The following TMCO5A variants were observed in gnomAD, a reference collection of about 807,000 sequenced individuals.
TMCO5A encodes transmembrane and coiled-coil domain-containing protein 5A.
In TMCO5A, 34 loss-of-function variants were observed where a neutral mutation model predicts 42.3. The observed-to-expected ratio is 0.80, with a 90% CI of 0.61 to 1.07. The LOEUF (loss-of-function observed/expected upper bound fraction) is 1.07. Among genes scored for constraint, TMCO5A ranks in the 50% least tolerant of loss-of-function variants. The pLI is 0.00. For missense variants in TMCO5A, 357 were observed against 327.9 expected (o/e 1.09, Z -0.69); for synonymous variants, 131 against 115.6 (o/e 1.13, Z -0.86).
chr15:37,946,337 G>A (rs560841768), intron 10 of TMCO5A, among the ~76,000 whole-genome samples: 2 of 152,176 alleles, frequency 1.3e-5, no homozygotes, highest in Non-Finnish European at 2.9e-5. Context: ...GGTTGTCTTG[G>A]CTATTAGGGC....
the TMCO5A span, among the ~76,000 whole-genome samples, chr15:37,983,728 T>TG: frequency 1.5e-5 from 2 of 136,916 alleles, no homozygotes; most frequent in African/African-American, 3.6e-5. Context: ...TGTTTTTTTT[T>TG]TTGTTTTTTT....
the TMCO5A span, among the ~76,000 whole-genome samples, chr15:38,025,169 G>A: frequency 4.2e-4 from 15 of 35,932 alleles, no homozygotes; most frequent in Admixed American, 1.2e-3. Context: ...TTGGGTGTGT[G>A]TGTGTGTGTG....
chr15:37,942,066 C>T, intron 8 of TMCO5A, 125 bp from the exon 9 acceptor site: 1 of 877,506 alleles, frequency 1.1e-6, no homozygotes, highest in Non-Finnish European at 1.8e-6. Flanking sequence ...TTTATGAAAG[C>T]AGAGAAAGTG....
At chr15:38,028,781 A>G in the TMCO5A span, among the ~76,000 whole-genome samples, 2 of 152,170 alleles carry the variant, frequency 1.3e-5, no homozygotes, top group Non-Finnish European at 2.9e-5. Flanking sequence ...AGGACAGGGT[A>G]GCAAGCAGCT....
At position 37,951,408 on chromosome 15, in the gene TMCO5A, A is replaced by C; in HGVS notation, c.*174A>C. On this transcript the variant is annotated 3_prime_UTR_variant, in exon 12 of 12. Coordinates refer to ENST00000319669, the MANE Select transcript of TMCO5A (RefSeq NM_152453.4). ...TCCAGGATTAACCTTGACCAGTAAAAAGCTCTGTAATAGATTTATGTGGCT... is the reference window on the plus strand; with the variant it reads ...TCCAGGATTAACCTTGACCAGTAAACAGCTCTGTAATAGATTTATGTGGCT... 1.6e-6 allele frequency: 1 copy of C among 611,512 alleles called. No homozygotes were observed. Among genetic ancestry groups the C allele is most frequent in the Non-Finnish European group, 2.8e-6 (1 of 352,704 alleles). The allele number at this position is 611,512 out of a possible 1,614,324, so 37.9% of individuals were successfully genotyped here. A position where few individuals can be genotyped will look rare whatever the true frequency, so the allele number is the denominator to read the frequency against.
At chr15:37,966,630 C>G (rs1047106756) in exon 12 of TMCO5A, 7 of 702,794 alleles carry the variant, frequency 1.0e-5, no homozygotes, top group Non-Finnish European at 1.8e-5. Context: ...TTCAGATGGG[C>G]CTCCTCCTTT....
chr15:38,031,216 T>G, the TMCO5A span, among the ~76,000 whole-genome samples: 2 of 151,994 alleles, frequency 1.3e-5, no homozygotes, highest in Admixed American at 6.5e-5. Flanking sequence ...AATCCTTCCA[T>G]GTCTTCTCCC....
chr15:38,005,769 A>G, the TMCO5A span, among the ~76,000 whole-genome samples: 5 of 152,202 alleles, frequency 3.3e-5, no homozygotes, highest in Admixed American at 6.5e-5. Context: ...CTTCTGATTT[A>G]TAAGAAGGCA....
chr15:37,961,765 A>G (rs1890433928), intron 11 of TMCO5A, among the ~76,000 whole-genome samples: 1 of 151,752 alleles, frequency 6.6e-6, no homozygotes, highest in Admixed American at 6.6e-5. Flanking sequence ...GTTTAGGTAA[A>G]TTCTTGAATA....
At chr15:38,025,200 T>G in the TMCO5A span, among the ~76,000 whole-genome samples, 1 of 140,924 alleles carries the variant, frequency 7.1e-6, no homozygotes, top group African/African-American at 2.6e-5. Context: ...TGTGTGTGTG[T>G]GGAAGCAGAA....
the TMCO5A span, among the ~76,000 whole-genome samples, chr15:37,986,918 A>G: frequency 6.6e-6 from 1 of 152,198 alleles, no homozygotes. Flanking sequence ...CTGGCTGTAT[A>G]TCCAGAAGGA....
chr15:37,974,747 A>G, the TMCO5A span, among the ~76,000 whole-genome samples: 3 of 151,442 alleles, frequency 2.0e-5, no homozygotes, highest in Admixed American at 6.6e-5. Context: ...ATTTTCCTTC[A>G]GTTTGCCTCT....
chr15:37,958,418 A>G (rs931537214), intron 11 of TMCO5A, among the ~76,000 whole-genome samples: 1 of 152,158 alleles, frequency 6.6e-6, no homozygotes, highest in African/African-American at 2.4e-5. Flanking sequence ...AACTCCACCA[A>G]ATAGTGGGCA....
chr15:37,977,731 G>A, the TMCO5A span, among the ~76,000 whole-genome samples: 3 of 152,220 alleles, frequency 2.0e-5, no homozygotes, highest in Admixed American at 1.3e-4. Flanking sequence ...TGCCTGCCTG[G>A]CTTGGGGACA....
chr15:37,962,797 G>A (rs565710930), intron 11 of TMCO5A, among the ~76,000 whole-genome samples: 11 of 152,012 alleles, frequency 7.2e-5, no homozygotes, highest in Admixed American at 1.3e-4. Flanking sequence ...GAATTTATCG[G>A]TCTCTTCTAG....
downstream of TMCO5A, among the ~76,000 whole-genome samples, chr15:37,969,975 G>C (rs977852954): frequency 1.3e-5 from 2 of 152,148 alleles, no homozygotes; most frequent in Non-Finnish European, 2.9e-5. Context: ...GTAGTGCTCT[G>C]ATGAGTATAT....
chr15:38,014,880 TA>T, the TMCO5A span, among the ~76,000 whole-genome samples: 1 of 98,694 alleles, frequency 1.0e-5, no homozygotes, highest in Non-Finnish European at 2.3e-5. Context: ...TATATATATA[TA>T]TATATATATA....
intron 9 of TMCO5A, 164 bp downstream of exon 9, chr15:37,942,419 C>T (rs1462032000): frequency 1.7e-6 from 1 of 591,808 alleles, no homozygotes; most frequent in Admixed American, 2.5e-5. Context: ...TAGATCACAC[C>T]AACTTAAAAC....
At chr15:38,023,145 T>TTTCA in the TMCO5A span, among the ~76,000 whole-genome samples, 1 of 152,278 alleles carries the variant, frequency 6.6e-6, no homozygotes, top group East Asian at 1.9e-4. Context: ...TCTCAAGCTT[T>TTTCA]ACAACAGTAA....
Sources: allele counts gnomAD v4.1 joint callset (sites outside exome capture counted in the v4.1 genomes callset), GRCh38; gene constraint gnomAD v4.1.1; transcripts MANE v1.5; gene names NCBI Gene and HGNC (gene_info 2026-07-23, HGNC 2026-07-21).